The following MED26 variants were observed in gnomAD, a reference collection of about 807,000 sequenced individuals.
MED26 encodes mediator complex subunit 26.
MED26 carries 7 observed loss-of-function variants against 43.7 expected under a neutral mutation model. The ratio of observed to expected loss-of-function variants is 0.16; its 90% CI spans 0.09 to 0.30. The LOEUF (loss-of-function observed/expected upper bound fraction) is 0.30. Among genes scored for constraint, MED26 ranks in the 10% least tolerant of loss-of-function variants. MED26 has a pLI of 1.00. For missense variants in MED26, 784 were observed against 840.6 expected (o/e 0.93, Z 0.83); for synonymous variants, 375 against 371.1 (o/e 1.01, Z -0.12).
At chr19:16,588,529 G>A (rs747191) in intron 1 of MED26, 19,412 of 152,344 alleles carry the variant, frequency 0.13, 1,316 homozygotes, top group South Asian at 0.15. Context: ...GCAGGGGACC[G>A]CACCTGGCCT....
intron 1 of MED26, among the ~76,000 whole-genome samples, chr19:16,594,515 G>A (rs757232513): frequency 1.1e-4 from 17 of 152,334 alleles, no homozygotes; most frequent in Non-Finnish European, 2.4e-4. Flanking sequence ...CGAGACTCGT[G>A]CTCCCTTGTC....
At chr19:16,584,997 G>C (rs537601993) in intron 1 of MED26, among the ~76,000 whole-genome samples, 1 of 152,192 alleles carries the variant, frequency 6.6e-6, no homozygotes, top group Non-Finnish European at 1.5e-5. Flanking sequence ...GGGGCAGCAA[G>C]GGCCGAGGGC....
chr19:16,577,584 C>T lies in MED26; in HGVS notation c.246G>A (p.Lys82=). The change falls in exon 3 of 3, where the codon AAG becomes AAA. Residue 82 remains lysine (K), a synonymous_variant. Transcript: ENST00000263390. The surrounding 1 kb of genome is among the most constrained non-coding windows in gnomAD (Gnocchi z 8.1). The stretch of plus-strand genomic sequence containing the variant: ...CATGCTGGTGTGCCGGCTCGATGAG[C>T]TTCTGCCAGCTCCGCAGCAGCTTCT... ...RAKKLLRSWQ[K]LIEPAHQHEA... 1 of 1,609,128 alleles carries T rather than the reference C, an allele frequency of 6.2e-7. No individual in the cohort carries two copies. The highest frequency in any genetic ancestry group is 8.5e-7 in the Non-Finnish European group (1 of 1,176,394).
intron 1 of MED26, among the ~76,000 whole-genome samples, chr19:16,617,956 G>A (rs1415759670): frequency 6.6e-6 from 1 of 152,158 alleles, no homozygotes; most frequent in East Asian, 1.9e-4. Context: ...ACCAACATCA[G>A]GTGCTTACTG....
At chr19:16,626,457 T>C (rs540976972) in intron 1 of MED26, among the ~76,000 whole-genome samples, 1 of 152,274 alleles carries the variant, frequency 6.6e-6, no homozygotes, top group African/African-American at 2.4e-5. Context: ...AAATGTACAA[T>C]ATAACATTTG....
chr19:16,618,498 G>C (rs977524462), intron 1 of MED26, among the ~76,000 whole-genome samples: 1 of 152,198 alleles, frequency 6.6e-6, no homozygotes, highest in South Asian at 2.1e-4. Context: ...GGTTTAACCA[G>C]AACAAGAAGG....
At chr19:16,625,555 T>C (rs1897322104) in intron 1 of MED26, among the ~76,000 whole-genome samples, 1 of 151,462 alleles carries the variant, frequency 6.6e-6, no homozygotes, top group African/African-American at 2.4e-5. Context: ...TTTTTTTTTT[T>C]CATGAGCATC....
In MED26 at chr19:16,618,616, G is replaced by C. The variant is rs1048865706; in HGVS notation, c.72+9256C>G. Among the ~76,000 whole-genome samples, 9 of 152,162 alleles carry C rather than the reference G, an allele frequency of 5.9e-5. No individual in the cohort carries two copies. The South Asian group carries it at 1.5e-3, about 25-fold the overall frequency. On this transcript the variant is annotated intron_variant, in intron 1 of 2. Transcript: ENST00000263390. ...CCAAAAACTCCCATTTTGCCTTCTGGAGCCAAGGCCCAACTATTTGGCGGT... is the reference window on the plus strand; with the variant it reads ...CCAAAAACTCCCATTTTGCCTTCTGCAGCCAAGGCCCAACTATTTGGCGGT...
intron 1 of MED26, among the ~76,000 whole-genome samples, chr19:16,613,975 C>T (rs1475331071): frequency 1.3e-5 from 2 of 152,154 alleles, no homozygotes; most frequent in African/African-American, 4.8e-5. Context: ...GACAACATCC[C>T]AAACTCATCT....
At chr19:16,620,364 C>A (rs532678179) in intron 1 of MED26, among the ~76,000 whole-genome samples, 3 of 152,324 alleles carry the variant, frequency 2.0e-5, no homozygotes, top group East Asian at 3.9e-4. Flanking sequence ...CTAGTACCTG[C>A]CTCCTGTTTA....
chr19:16,619,457 G>A (rs192854653), intron 1 of MED26, among the ~76,000 whole-genome samples: 1 of 152,358 alleles, frequency 6.6e-6, no homozygotes, highest in African/African-American at 2.4e-5. Context: ...GGAACCTGAT[G>A]ACTAGAACGG....
rs1297551189 is a variant in MED26 at position 16,576,198 on chromosome 19, G to A, written c.1632C>T (p.Thr544=). 6.2e-7 allele frequency: 1 copy of A among 1,612,738 alleles called. No homozygotes were observed. The highest frequency in any genetic ancestry group is 1.7e-5 in the Admixed American group (1 of 60,030). The change falls in exon 3 of 3, where the codon ACC becomes ACT. Residue 544 remains threonine (T), a synonymous_variant. Transcript: ENST00000263390. The surrounding 1 kb of genome is among the most constrained non-coding windows in gnomAD (Gnocchi z 6.8). ...CGAGATCGTCCTGTGTGACCTCCCG[G>A]GTCAGACCAGGGAGGTCCGTGGGCG... ...QSPPTDLPGL[T]REVTQDDLDR... is the part of the protein sequence containing the mutation.
intron 1 of MED26, among the ~76,000 whole-genome samples, chr19:16,594,255 G>A (rs1034323813): frequency 6.6e-6 from 1 of 152,208 alleles, no homozygotes; most frequent in East Asian, 1.9e-4. Flanking sequence ...GAGGCCACTT[G>A]CCGCCGAGAG....
At chr19:16,624,122 A>C (rs745395294) in intron 1 of MED26, among the ~76,000 whole-genome samples, 1 of 151,250 alleles carries the variant, frequency 6.6e-6, no homozygotes, top group Non-Finnish European at 1.5e-5. Context: ...TAAAAAAAAA[A>C]AACCCCTTCT....
intron 1 of MED26, among the ~76,000 whole-genome samples, chr19:16,627,589 G>A (rs1435820274): frequency 1.3e-5 from 2 of 152,256 alleles, no homozygotes; most frequent in African/African-American, 2.4e-5. Flanking sequence ...GAGGGTCGTA[G>A]AGCTGGAGCA....
chr19:16,628,182 C>G lies in MED26; in HGVS notation c.-239G>C, dbSNP rs1346995665. 2.8e-6 allele frequency: 1 copy of G among 352,812 alleles called. No homozygotes were observed. The highest frequency in any genetic ancestry group is 4.4e-5 in the East Asian group (1 of 22,864). The allele number at this position is 352,812 out of a possible 1,614,324, so 21.9% of individuals were successfully genotyped here. ...CGGAGCCGCCGCCGCTCGCTGCCGC[C>G]GCCTCGAGAACCAAACTCCAGTGAG... On this transcript the variant is annotated 5_prime_UTR_variant, in exon 1 of 3. Coordinates refer to ENST00000263390, the MANE Select transcript of MED26 (RefSeq NM_004831.5).
chr19:16,595,450 C>T (rs1208863989), intron 1 of MED26, among the ~76,000 whole-genome samples: 2 of 151,556 alleles, frequency 1.3e-5, no homozygotes, highest in South Asian at 4.1e-4. Context: ...TGTCTTGAAC[C>T]CCAGCAGCCT....
At chr19:16,613,002 A>G (rs921711441) in intron 1 of MED26, among the ~76,000 whole-genome samples, 1 of 152,094 alleles carries the variant, frequency 6.6e-6, no homozygotes, top group African/African-American at 2.4e-5. Context: ...AGCTCCTGAA[A>G]AGTCGAGAAG....
At chr19:16,591,025 G>A (rs1462453235) in intron 1 of MED26, among the ~76,000 whole-genome samples, 1 of 150,802 alleles carries the variant, frequency 6.6e-6, no homozygotes, top group Non-Finnish European at 1.5e-5. Context: ...GGGCCACAGA[G>A]AGAGACTTTC....
Sources: allele counts gnomAD v4.1 joint callset (sites outside exome capture counted in the v4.1 genomes callset), GRCh38; gene constraint gnomAD v4.1.1; non-coding constraint Gnocchi (gnomAD v3.1); transcripts MANE v1.5; gene names NCBI Gene and HGNC (gene_info 2026-07-23, HGNC 2026-07-21).